Variants in ZBTB7C observed in about 807,000 individuals in gnomAD.
The protein encoded by ZBTB7C is zinc finger and BTB domain-containing protein 7C.
ZBTB7C carries 8 observed loss-of-function variants against 25.7 expected under a neutral mutation model. The ratio of observed to expected loss-of-function variants is 0.31; its 90% confidence interval spans 0.18 to 0.56. The LOEUF is 0.56. ZBTB7C is among the 20% of genes least tolerant of loss of function. The pLI, the probability that ZBTB7C is intolerant of heterozygous loss-of-function variation, is 0.91. For synonymous variants in ZBTB7C, 394 were observed against 369.0 expected (o/e 1.07, Z -0.78); for missense variants, 824 against 855.2 (o/e 0.96, Z 0.46).
rs187372661 is a variant in ZBTB7C, at chr18:48,222,576, G to A, written c.-78-36581C>T. On this transcript the variant is annotated intron_variant, in intron 2 of 4. Coordinates refer to ENST00000590800, the MANE Select transcript of ZBTB7C (RefSeq NM_001318841.2). ...GAGAAAATTAAGCTCATGGAAGCTC[G>A]GGACTTGCCTGCTGCCTCCCAAATC... 2.3e-3 allele frequency among the ~76,000 whole-genome samples: 350 copies of A among 152,180 alleles called. 2 individuals carry two copies. Among genetic ancestry groups the A allele is most frequent in the African/African-American group, 7.9e-3 (328 of 41,512 alleles).
At chr18:48,056,243 G>C (rs924000920) in intron 3 of ZBTB7C, among the ~76,000 whole-genome samples, 5 of 152,256 alleles carry the variant, frequency 3.3e-5, no homozygotes, top group Admixed American at 3.3e-4. Flanking sequence ...TTAAGTCAAT[G>C]GAAAGATACA....
intron 2 of ZBTB7C, among the ~76,000 whole-genome samples, chr18:48,320,453 G>A (rs2046062894): frequency 6.6e-6 from 1 of 152,208 alleles, no homozygotes; most frequent in Non-Finnish European, 1.5e-5. Context: ...GCGCCTAGGA[G>A]AACTGGGGGC....
intron 1 of ZBTB7C, among the ~76,000 whole-genome samples, chr18:48,361,499 T>C (rs963739946): frequency 1.3e-5 from 2 of 152,196 alleles, no homozygotes; most frequent in African/African-American, 4.8e-5. Flanking sequence ...TTGCCAAATA[T>C]ACCCAGGATC....
upstream of ZBTB7C, among the ~76,000 whole-genome samples, chr18:48,411,952 G>A (rs1230447300): frequency 6.6e-6 from 1 of 152,184 alleles, no homozygotes; most frequent in East Asian, 1.9e-4. Context: ...AATGGTAAAC[G>A]TTGCTTTGCA....
intron 2 of ZBTB7C, among the ~76,000 whole-genome samples, chr18:48,243,738 C>T (rs1235227563): frequency 6.6e-6 from 1 of 152,112 alleles, no homozygotes; most frequent in East Asian, 1.9e-4. Context: ...GCAAAAAGAA[C>T]AAATCTGGAG....
At chr18:48,311,905 G>C (rs1292786023) in intron 2 of ZBTB7C, among the ~76,000 whole-genome samples, 1 of 152,114 alleles carries the variant, frequency 6.6e-6, no homozygotes. Context: ...TTCTCAATTA[G>C]ATACTCTTCC....
chr18:48,332,222 T>C (rs141447123), intron 2 of ZBTB7C, among the ~76,000 whole-genome samples: 68 of 152,282 alleles, frequency 4.5e-4, no homozygotes, highest in African/African-American at 1.5e-3. Flanking sequence ...ACATCAGTCA[T>C]GTTAGAGAAA....
chr18:48,399,435 T>A (rs2048108316), intron 1 of ZBTB7C, among the ~76,000 whole-genome samples: 2 of 152,172 alleles, frequency 1.3e-5, no homozygotes, highest in South Asian at 4.1e-4. Context: ...AAAAGAGAAA[T>A]CCTCATTTAA....
At chr18:48,272,949 G>T (rs2044535871) in intron 2 of ZBTB7C, among the ~76,000 whole-genome samples, 1 of 152,166 alleles carries the variant, frequency 6.6e-6, no homozygotes, top group East Asian at 1.9e-4. Context: ...TAGAGGACAG[G>T]CAAATCCATG....
intron 2 of ZBTB7C, among the ~76,000 whole-genome samples, chr18:48,225,514 T>C (rs542277925): frequency 1.4e-4 from 22 of 152,292 alleles, no homozygotes; most frequent in African/African-American, 5.3e-4. Flanking sequence ...GTGCTTTCAA[T>C]CATTCCTTCC....
intron 1 of ZBTB7C, among the ~76,000 whole-genome samples, chr18:48,404,478 A>T (rs910802715): frequency 5.3e-5 from 8 of 152,202 alleles, no homozygotes; most frequent in Non-Finnish European, 1.2e-4. Context: ...TGGTTACACA[A>T]GGGAGTGGCC....
intron 2 of ZBTB7C, among the ~76,000 whole-genome samples, chr18:48,209,867 A>C (rs2042663523): frequency 6.6e-6 from 1 of 152,218 alleles, no homozygotes; most frequent in African/African-American, 2.4e-5. Context: ...GGACACCATC[A>C]ATAAAGTGAA....
At chr18:48,312,969 T>C (rs1338190558) in intron 2 of ZBTB7C, among the ~76,000 whole-genome samples, 1 of 152,214 alleles carries the variant, frequency 6.6e-6, no homozygotes, top group Non-Finnish European at 1.5e-5. Flanking sequence ...CTAAATGTAA[T>C]AGTTCTTCAT....
chr18:48,070,871 C>T (rs2037516476), intron 3 of ZBTB7C, among the ~76,000 whole-genome samples: 1 of 152,168 alleles, frequency 6.6e-6, no homozygotes, highest in Non-Finnish European at 1.5e-5. Context: ...CCCCTTTCCC[C>T]ACTGAACTGC....
At chr18:48,034,566 T>C (rs955483399) in intron 4 of ZBTB7C, among the ~76,000 whole-genome samples, 2 of 152,094 alleles carry the variant, frequency 1.3e-5, no homozygotes, top group Non-Finnish European at 2.9e-5. Flanking sequence ...GGAGTTCTGG[T>C]ACCTGCTTTG....
chr18:48,361,869 C>T (rs1360631189), intron 1 of ZBTB7C, among the ~76,000 whole-genome samples: 1 of 152,194 alleles, frequency 6.6e-6, no homozygotes, highest in African/African-American at 2.4e-5. Flanking sequence ...AGAAGCTGTG[C>T]AGATTCAGCA....
intron 3 of ZBTB7C, among the ~76,000 whole-genome samples, chr18:48,132,279 C>T (rs989779939): frequency 5.3e-5 from 8 of 152,136 alleles, no homozygotes; most frequent in South Asian, 4.1e-4. Context: ...ACAAAGCTAA[C>T]GACTCAAAAG....
intron 2 of ZBTB7C, among the ~76,000 whole-genome samples, chr18:48,296,299 A>T (rs1335156425): frequency 6.6e-6 from 1 of 152,090 alleles, no homozygotes; most frequent in Non-Finnish European, 1.5e-5. Flanking sequence ...CTCCTCCTCT[A>T]GGCTCCCTTT....
chr18:48,200,154 A>G (rs2042407324), intron 2 of ZBTB7C, among the ~76,000 whole-genome samples: 1 of 152,100 alleles, frequency 6.6e-6, no homozygotes, highest in Non-Finnish European at 1.5e-5. Flanking sequence ...ACTTCACGAC[A>G]CTGGGATTTC....
Sources: gnomAD v4.1 joint callset for allele counts (sites outside exome capture counted in the v4.1 genomes callset) on GRCh38, gnomAD v4.1.1 for gene constraint, MANE v1.5 for transcripts, NCBI Gene and HGNC (gene_info 2026-07-23, HGNC 2026-07-21) for gene names.